Variants in ZNF223 observed in about 807,000 individuals in gnomAD.
ZNF223 encodes the protein Homo sapiens zinc finger protein 223.
A neutral mutation model predicts 12.3 loss-of-function variants in ZNF223; 9 were observed. That is an observed-to-expected ratio of 0.73 (90% CI 0.44 to 1.28). ZNF223 has a LOEUF of 1.28. ZNF223 is among the 50% of genes most tolerant of loss of function. The pLI, the probability that ZNF223 is intolerant of heterozygous loss-of-function variation, is 0.00. For synonymous variants in ZNF223, 171 were observed against 195.2 expected, an observed-to-expected ratio of 0.88 and a Z score of 1.03; for missense variants, 506 against 579.0, an observed-to-expected ratio of 0.87 and a Z score of 1.29.
chr19:44,066,204 G>A lies in ZNF223; in HGVS notation c.376G>A (p.Glu126Lys). Residue 126 changes from glutamate (E) to lysine (K), a missense_variant, in exon 5 of 5, where the codon GAA becomes AAA. Physicochemically the swap from Glu to Lys is moderately conservative, Grantham distance 56 (BLOSUM62 1). Transcript: ENST00000434772. ...TACCATAAAGAGCTCTCAGTTCTTT[G>A]AACAGGGTGATGCCCACTCCCAGGT... ...DSTIKSSQFFEQGDAHSQVEE... is the reference protein window; with the variant it reads ...DSTIKSSQFFKQGDAHSQVEE... 2 of 1,614,150 alleles carry A rather than the reference G, an allele frequency of 1.2e-6. No homozygotes were observed. The highest frequency in any genetic ancestry group is 1.7e-6 in the Non-Finnish European group (2 of 1,180,010).
chr19:44,065,981 C>T (rs1331804625), intron 4 of ZNF223, 83 bp from the exon 5 acceptor site: 1 of 1,505,366 alleles, frequency 6.6e-7, no homozygotes, highest in African/African-American at 1.4e-5. Flanking sequence ...GTTGAAGTTT[C>T]ATACCATGTC....
Position 44,060,548 on chromosome 19 carries a change from A to G in ZNF223, c.109A>G (p.Met37Val), listed in dbSNP as rs754805317. ...LAQRKLYRDV[M>V]LENFRNLLSV... ...CCAGAGGAAGCTGTATCGAGATGTG[A>G]TGCTGGAGAACTTCAGGAACCTGCT... The change falls in exon 3 of 5, where the codon ATG (methionine) becomes GTG (valine). Residue 37 changes from methionine to valine, a missense_variant. Physicochemically the swap from Met to Val is conservative, Grantham distance 21. Coordinates refer to ENST00000434772, the MANE Select transcript of ZNF223 (RefSeq NM_013361.6). The G allele has an allele frequency of 5.6e-6, 9 of 1,613,928 alleles. No homozygotes were observed. Among genetic ancestry groups the G allele is most frequent in the Non-Finnish European group, 7.6e-6 (9 of 1,179,986 alleles).
At chr19:44,056,656 C>G (rs1206575995) in intron 2 of ZNF223, among the ~76,000 whole-genome samples, 4 of 115,790 alleles carry the variant, frequency 3.5e-5, no homozygotes, top group East Asian at 3.1e-4. Flanking sequence ...TACAGTGTTG[C>G]GATCTCAGCT....
rs1187296189 is a variant in ZNF223 at position 44,067,041 on chromosome 19, T to G, written c.1213T>G (p.Cys405Gly). Reference sequence around the variant, plus strand: ...AGAGAGACCTTATAACTGTGATGACTGTGGGAAGAGCTTTAGACAGGCCTC... The same window carrying G: ...AGAGAGACCTTATAACTGTGATGACGGTGGGAAGAGCTTTAGACAGGCCTC... Reference protein sequence around the residue: ...TGERPYNCDDCGKSFRQASSI... With the variant: ...TGERPYNCDDGGKSFRQASSI... The change falls in exon 5 of 5, where the codon TGT (cysteine) becomes GGT (glycine). Residue 405 changes from cysteine (C) to glycine (G), a missense_variant. Transcript: ENST00000434772. 7 of 1,611,814 alleles carry G rather than the reference T, an allele frequency of 4.3e-6. No homozygotes were observed. The highest frequency in any genetic ancestry group is 5.9e-6 in the Non-Finnish European group (7 of 1,179,992).
In ZNF223 at chr19:44,055,335, G is replaced by C. The variant is rs572648176; in HGVS notation, c.15+144G>C. 106 of 861,632 alleles carry C rather than the reference G, an allele frequency of 1.2e-4. 1 individual carries two copies. In the South Asian group the frequency reaches 1.6e-3, roughly 13 times the overall value. The allele number at this position is 861,632 out of a possible 1,614,324, so 53.4% of individuals were successfully genotyped here. ...CACCTGGCTAATTTTTGTAGTATTA[G>C]TGGAGATGGGGTTTCATCATGTTGG... is the stretch of plus-strand genomic sequence containing the variant. On this transcript the variant is annotated intron_variant, in intron 2 of 4. Coordinates refer to ENST00000434772, the MANE Select transcript of ZNF223 (RefSeq NM_013361.6).
Position 44,052,974 on chromosome 19 carries a change from A to G in ZNF223, c.-69+779A>G, listed in dbSNP as rs186031213. ...ATCATGTTATCTAATCTGCAGTTCC[A>G]TATACGAATTTGTTAAATTTTTCAT... On this transcript the variant is annotated intron_variant, in intron 1 of 4. Transcript: ENST00000434772. 1.7e-4 allele frequency among the ~76,000 whole-genome samples: 26 copies of G among 152,182 alleles called. No individual in the cohort carries two copies. The East Asian group carries it at 3.9e-3, about 23-fold the overall frequency.
rs1218780768 is a variant in ZNF223 at position 44,066,311 on chromosome 19, C to T, written c.483C>T (p.Ser161=). The T allele has an allele frequency of 1.2e-6, 2 of 1,614,212 alleles. No individual in the cohort carries two copies. Among genetic ancestry groups the T allele is most frequent in the African/African-American group, 1.3e-5 (1 of 75,044 alleles). The change falls in exon 5 of 5, where the codon TCC becomes TCT. Residue 161 remains serine (S), a synonymous_variant. Transcript: ENST00000434772. ...GKCKQSFSDM[S]IFDLPQQIRS... is the part of the protein sequence containing the mutation. ...GTAAACAATCCTTCAGTGATATGTC[C>T]ATCTTTGATCTTCCTCAGCAAATAC...
At chr19:44,061,740 A>G (rs2147475929) in intron 4 of ZNF223, among the ~76,000 whole-genome samples, 1 of 152,338 alleles carries the variant, frequency 6.6e-6, no homozygotes, top group East Asian at 1.9e-4. Context: ...TTTCAGGAAC[A>G]ATTATGTTCC....
rs1239748414 is a variant in ZNF223 at position 44,066,108 on chromosome 19, C to G, written c.280C>G (p.Pro94Ala). 3 of 1,608,568 alleles carry G rather than the reference C, an allele frequency of 1.9e-6. No homozygotes were observed. Among genetic ancestry groups the G allele is most frequent in the African/African-American group, 2.7e-5 (2 of 74,480 alleles). Residue 94 changes from proline (P) to alanine (A), a missense_variant, in exon 5 of 5, where the codon CCA (proline) becomes GCA (alanine). Coordinates refer to ENST00000434772, the MANE Select transcript of ZNF223 (RefSeq NM_013361.6). ...GATGAAGACTTTTCCAGAAGCAGGA[C>G]CACATGAAGGGTGGTCCTGCCAGCA... ...PEMKTFPEAG[P>A]HEGWSCQQIW...
Position 44,066,083 on chromosome 19 carries a change from G to T in ZNF223, c.255G>T (p.Glu85Asp). ...EGNSGGKIQPEMKTFPEAGPH... is the reference protein window; with the variant it reads ...EGNSGGKIQPDMKTFPEAGPH... ...TGATAGGAGGCAAGATCCAACCTGAGATGAAGACTTTTCCAGAAGCAGGAC... is the reference window on the plus strand; with the variant it reads ...TGATAGGAGGCAAGATCCAACCTGATATGAAGACTTTTCCAGAAGCAGGAC... The change falls in exon 5 of 5, where the codon GAG (glutamate) becomes GAT (aspartate). Residue 85 changes from glutamate to aspartate, a missense_variant. Coordinates refer to ENST00000434772, the MANE Select transcript of ZNF223 (RefSeq NM_013361.6). The T allele has an allele frequency of 1.3e-6, 2 of 1,599,468 alleles. No individual in the cohort carries two copies. Among genetic ancestry groups the T allele is most frequent in the South Asian group, 1.1e-5 (1 of 88,624 alleles).
In ZNF223 at chr19:44,055,168, G is replaced by A. The variant is rs1485030009; in HGVS notation, c.-9G>A. The A allele has an allele frequency of 6.2e-7, 1 of 1,613,118 alleles. No homozygotes were observed. On this transcript the variant is annotated 5_prime_UTR_variant, in exon 2 of 5. The change abolishes the stop of an existing upstream ORF in the 5' untranslated region. Coordinates refer to ENST00000434772, the MANE Select transcript of ZNF223 (RefSeq NM_013361.6). ...AGGACTCTGCAAATTCCCTAAAGTA[G>A]GAGGAAAAATGACCATGTCCAAGGT... is the stretch of plus-strand genomic sequence containing the variant.
intron 4 of ZNF223, among the ~76,000 whole-genome samples, chr19:44,063,740 G>A (rs73037644): frequency 0.037 from 5,661 of 152,180 alleles, 189 homozygotes; most frequent in Non-Finnish European, 0.052. Flanking sequence ...ACCGCTCAGC[G>A]ACTTGTATCC....
chr19:44,065,662 G>A (rs1976900310), intron 4 of ZNF223, among the ~76,000 whole-genome samples: 2 of 147,954 alleles, frequency 1.4e-5, no homozygotes, highest in African/African-American at 5.0e-5. Context: ...GCTGCAACCT[G>A]CGCCTCCTGG....
At chr19:44,063,086 A>C (rs1342218107) in intron 4 of ZNF223, among the ~76,000 whole-genome samples, 4 of 152,216 alleles carry the variant, frequency 2.6e-5, no homozygotes, top group African/African-American at 9.7e-5. Flanking sequence ...GGAATTACTT[A>C]CTCAAAATAG....
chr19:44,053,051 A>G (rs1489231948), intron 1 of ZNF223, among the ~76,000 whole-genome samples: 2 of 152,074 alleles, frequency 1.3e-5, no homozygotes, highest in Admixed American at 6.5e-5. Context: ...TTCAAAGTCC[A>G]GTTTATGCGT....
At chr19:44,058,928 C>G (rs1178105389) in intron 2 of ZNF223, among the ~76,000 whole-genome samples, 1 of 152,204 alleles carries the variant, frequency 6.6e-6, no homozygotes, top group Non-Finnish European at 1.5e-5. Context: ...AGGGTGACAT[C>G]TAGGGGCACC....
chr19:44,051,963 G>A (rs142121474), upstream of ZNF223: 4 of 152,422 alleles, frequency 2.6e-5, no homozygotes, highest in South Asian at 2.1e-4. Context: ...TTTGGCTCAG[G>A]GGGGCGGGTC....
At chr19:44,060,985 C>A in intron 4 of ZNF223, 144 bp downstream of exon 4, 1 of 733,866 alleles carries the variant, frequency 1.4e-6, no homozygotes, top group Non-Finnish European at 2.3e-6. Context: ...GGCCCTGCTC[C>A]GTGCCTTCCC....
At chr19:44,061,699 T>A (rs1461790944) in intron 4 of ZNF223, among the ~76,000 whole-genome samples, 1 of 152,250 alleles carries the variant, frequency 6.6e-6, no homozygotes, top group African/African-American at 2.4e-5. Flanking sequence ...TGTGTCAGAA[T>A]CATAGGTCCT....
Sources: allele counts gnomAD v4.1 joint callset (sites outside exome capture counted in the v4.1 genomes callset), GRCh38; gene constraint gnomAD v4.1.1; transcripts MANE v1.5; gene names NCBI Gene and HGNC (gene_info 2026-07-23, HGNC 2026-07-21).